Variants in AKAP19 observed in about 807,000 individuals in gnomAD.
The protein encoded by AKAP19 is A-kinase anchoring protein 19, also known as small A-kinase anchoring protein.
the AKAP19 span, among the ~76,000 whole-genome samples, chr2:189,998,831 G>T: frequency 8.7e-6 from 1 of 115,080 alleles, no homozygotes; most frequent in African/African-American, 3.4e-5. Flanking sequence ...GGAGCACAAT[G>T]ATGCAATCTT....
the AKAP19 span, among the ~76,000 whole-genome samples, chr2:190,038,931 CTT>C: frequency 4.3e-5 from 6 of 138,404 alleles, no homozygotes; most frequent in African/African-American, 1.8e-4. Context: ...TCTTCTTCTT[CTT>C]CTTCTTCTTC....
the AKAP19 span, among the ~76,000 whole-genome samples, chr2:190,192,452 CTGTGTGTGTGTG>C: frequency 8.2e-3 from 1,191 of 145,356 alleles, 13 homozygotes; most frequent in African/African-American, 0.028. Flanking sequence ...AATTCAGAAT[CTGTGTGTGTGTG>C]TGTGTGTGTG....
the AKAP19 span, among the ~76,000 whole-genome samples, chr2:190,070,639 C>A: frequency 7.8e-6 from 1 of 128,058 alleles, no homozygotes; most frequent in Non-Finnish European, 1.6e-5. Flanking sequence ...TTTTTGGTAA[C>A]CTGCAGAATC....
At chr2:190,082,854 C>A in the AKAP19 span, among the ~76,000 whole-genome samples, 1 of 152,132 alleles carries the variant, frequency 6.6e-6, no homozygotes, top group Non-Finnish European at 1.5e-5. Flanking sequence ...TTAATGCTAC[C>A]ATTTATTGTG....
At chr2:189,939,318 A>G in the AKAP19 span, among the ~76,000 whole-genome samples, 1 of 152,172 alleles carries the variant, frequency 6.6e-6, no homozygotes, top group Non-Finnish European at 1.5e-5. Flanking sequence ...GACCTTCCCA[A>G]TTTGGGATGG....
At chr2:190,130,907 T>C in the AKAP19 span, among the ~76,000 whole-genome samples, 6 of 152,364 alleles carry the variant, frequency 3.9e-5, no homozygotes, top group Non-Finnish European at 7.3e-5. Flanking sequence ...GTATTTGCTA[T>C]ATTTGTTGTA....
the AKAP19 span, among the ~76,000 whole-genome samples, chr2:190,048,369 C>G: frequency 5.3e-5 from 8 of 152,248 alleles, no homozygotes; most frequent in East Asian, 1.5e-3. Flanking sequence ...CTAACTGACA[C>G]CAAGTAACCA....
At chr2:190,091,961 T>G in the AKAP19 span, among the ~76,000 whole-genome samples, 1 of 152,128 alleles carries the variant, frequency 6.6e-6, no homozygotes, top group East Asian at 1.9e-4. Flanking sequence ...ATAAACAAAT[T>G]GACTGACTAC....
At chr2:190,078,935 C>T in the AKAP19 span, among the ~76,000 whole-genome samples, 1 of 151,766 alleles carries the variant, frequency 6.6e-6, no homozygotes, top group Non-Finnish European at 1.5e-5. Context: ...TATGTACTGA[C>T]ATAGAAAGGT....
At chr2:190,141,705 C>G in the AKAP19 span, among the ~76,000 whole-genome samples, 1 of 152,206 alleles carries the variant, frequency 6.6e-6, no homozygotes, top group African/African-American at 2.4e-5. Flanking sequence ...CAAGATCACA[C>G]TTGGGTGGGG....
the AKAP19 span, among the ~76,000 whole-genome samples, chr2:190,011,051 T>C: frequency 2.5e-4 from 1 of 4,066 alleles, no homozygotes; most frequent in Non-Finnish European, 1.8e-3. Context: ...TCTCTCTCTC[T>C]TTTTTTTTTT....
the AKAP19 span, among the ~76,000 whole-genome samples, chr2:190,096,357 T>A: frequency 6.6e-6 from 1 of 152,194 alleles, no homozygotes; most frequent in Non-Finnish European, 1.5e-5. Flanking sequence ...AGCACTAGAA[T>A]AAAATGGACA....
the AKAP19 span, among the ~76,000 whole-genome samples, chr2:189,890,138 T>G: frequency 6.6e-6 from 1 of 152,186 alleles, no homozygotes; most frequent in Non-Finnish European, 1.5e-5. Flanking sequence ...TTGTTCTCAT[T>G]GTTCAAAGAA....
chr2:189,989,567 A>G, the AKAP19 span, among the ~76,000 whole-genome samples: 1 of 152,114 alleles, frequency 6.6e-6, no homozygotes, highest in Non-Finnish European at 1.5e-5. Flanking sequence ...GAACATACAA[A>G]AAAAATTGGG....
chr2:189,954,346 T>C, the AKAP19 span, among the ~76,000 whole-genome samples: 1 of 152,232 alleles, frequency 6.6e-6, no homozygotes, highest in Non-Finnish European at 1.5e-5. Context: ...AACTATATTT[T>C]GCAAATGAAA....
At chr2:190,125,938 A>T in the AKAP19 span, among the ~76,000 whole-genome samples, 10 of 152,112 alleles carry the variant, frequency 6.6e-5, no homozygotes, top group African/African-American at 2.4e-4. Flanking sequence ...AAACCTTTTT[A>T]AAAACAATAA....
chr2:190,068,915 GC>G, the AKAP19 span, among the ~76,000 whole-genome samples: 1 of 152,082 alleles, frequency 6.6e-6, no homozygotes, highest in Non-Finnish European at 1.5e-5. Flanking sequence ...TCCCAGTGCA[GC>G]TTTTGCATTT....
chr2:190,156,809 C>T, the AKAP19 span, among the ~76,000 whole-genome samples: 1 of 152,094 alleles, frequency 6.6e-6, no homozygotes, highest in Admixed American at 6.5e-5. Context: ...TGGAAATGTT[C>T]ATTGTTTCAG....
At chr2:190,202,258 A>G in the AKAP19 span, 4 of 167,014 alleles carry the variant, frequency 2.4e-5, no homozygotes, top group African/African-American at 9.7e-5. Context: ...CTTGTCCCTG[A>G]ATCACATTTT....
Sources: allele counts gnomAD v4.1 joint callset (sites outside exome capture counted in the v4.1 genomes callset), GRCh38; gene constraint gnomAD v4.1.1; transcripts MANE v1.5; gene names NCBI Gene and HGNC (gene_info 2026-07-23, HGNC 2026-07-21).